The following TMEM132B variants were observed in gnomAD, a reference collection of about 807,000 sequenced individuals.
TMEM132B encodes the protein transmembrane protein 132B.
A neutral mutation model predicts 90.8 loss-of-function variants in TMEM132B; 18 were observed. The ratio of observed to expected loss-of-function variants is 0.20; its 90% confidence interval spans 0.14 to 0.29. TMEM132B has a LOEUF of 0.29. Ranked by LOEUF, TMEM132B falls within the 10% of genes least tolerant of loss-of-function variation. The probability of loss-of-function intolerance (pLI) is 1.00; values close to 1 mark genes in which losing one functional copy is unlikely to be tolerated. For missense variants in TMEM132B, 1,096 were observed against 1,326.8 expected (o/e 0.83, Z 2.70); for synonymous variants, 504 against 523.3 (o/e 0.96, Z 0.50).
intron 3 of TMEM132B, among the ~76,000 whole-genome samples, chr12:125,483,222 T>C (rs1000906003): frequency 1.3e-5 from 2 of 152,122 alleles, no homozygotes; most frequent in African/African-American, 4.8e-5. Context: ...TGTGCACATG[T>C]ACCCTAGAAC....
chr12:125,643,958 G>T, intron 5 of TMEM132B, 118 bp from the exon 6 acceptor site: 1 of 826,302 alleles, frequency 1.2e-6, no homozygotes, highest in Non-Finnish European at 2.0e-6. Flanking sequence ...TCTGTTCATT[G>T]GGTTGTTTTG....
At chr12:125,377,553 G>A (rs1878531182) in intron 2 of TMEM132B, among the ~76,000 whole-genome samples, 1 of 152,174 alleles carries the variant, frequency 6.6e-6, no homozygotes, top group African/African-American at 2.4e-5. Context: ...GTGCTGTGGT[G>A]AGGAATACAC....
chr12:125,321,283 G>C (rs754403762), intron 1 of TMEM132B, among the ~76,000 whole-genome samples: 3 of 152,092 alleles, frequency 2.0e-5, no homozygotes, highest in Non-Finnish European at 4.4e-5. Flanking sequence ...TTTGAAGACA[G>C]AAAATATCCC....
intron 3 of TMEM132B, among the ~76,000 whole-genome samples, chr12:125,443,117 G>A (rs1256201071): frequency 2.0e-5 from 3 of 152,204 alleles, no homozygotes; most frequent in East Asian, 1.9e-4. Context: ...GCAGCATTTC[G>A]GGGAGCTGTG....
At chr12:125,487,024 C>G (rs577930446) in intron 3 of TMEM132B, among the ~76,000 whole-genome samples, 9 of 152,244 alleles carry the variant, frequency 5.9e-5, no homozygotes, top group Non-Finnish European at 2.9e-5. Context: ...CTGAAATCTG[C>G]TACCTTTGAC....
At chr12:125,606,961 G>A (rs1302979252) in intron 5 of TMEM132B, among the ~76,000 whole-genome samples, 1 of 152,178 alleles carries the variant, frequency 6.6e-6, no homozygotes, top group Non-Finnish European at 1.5e-5. Flanking sequence ...GTGCTGATTG[G>A]CTTGTAAAGG....
chr12:125,260,746 A>G (rs573052992), intron 1 of TMEM132B, among the ~76,000 whole-genome samples: 10 of 152,130 alleles, frequency 6.6e-5, no homozygotes, highest in African/African-American at 1.7e-4. Context: ...ATTTCTTTCT[A>G]ACTCATATTA....
At chr12:125,323,436 A>AAAAAAC (rs146613789) in intron 1 of TMEM132B, among the ~76,000 whole-genome samples, 94,208 of 150,780 alleles carry the variant, frequency 0.62, 30,095 homozygotes, top group East Asian at 0.78. Flanking sequence ...ACTCTGCCTC[A>AAAAAAC]AAAAACAAAA....
intron 4 of TMEM132B, among the ~76,000 whole-genome samples, chr12:125,551,107 C>G (rs549186825): frequency 6.6e-6 from 1 of 152,274 alleles, no homozygotes; most frequent in African/African-American, 2.4e-5. Flanking sequence ...GCCACTGTGT[C>G]TGGCCCTGGA....
chr12:125,557,088 G>T (rs573664038), intron 4 of TMEM132B, among the ~76,000 whole-genome samples: 2 of 152,204 alleles, frequency 1.3e-5, no homozygotes, highest in South Asian at 4.2e-4. Context: ...ACAGCACTTT[G>T]TTATCATATA....
chr12:125,545,324 C>A (rs910793767), intron 4 of TMEM132B, among the ~76,000 whole-genome samples: 1 of 152,166 alleles, frequency 6.6e-6, no homozygotes, highest in Non-Finnish European at 1.5e-5. Context: ...GTATTCTGTA[C>A]AGTAGGAAGG....
At chr12:125,413,169 A>G (rs2694869) in intron 2 of TMEM132B, among the ~76,000 whole-genome samples, 48,445 of 151,698 alleles carry the variant, frequency 0.32, 7,790 homozygotes, top group East Asian at 0.4. Context: ...GCTTTCCTCC[A>G]GTTCGAGAAT....
chr12:125,461,195 G>A (rs900897131), intron 3 of TMEM132B, among the ~76,000 whole-genome samples: 18 of 152,214 alleles, frequency 1.2e-4, no homozygotes, highest in African/African-American at 4.3e-4. Flanking sequence ...TTCTTTAGGC[G>A]GGGCTATGAG....
intron 3 of TMEM132B, among the ~76,000 whole-genome samples, chr12:125,510,295 A>G (rs113947694): frequency 0.012 from 1,822 of 152,290 alleles, 13 homozygotes; most frequent in Middle Eastern, 0.034. Context: ...TTCAGCTCTG[A>G]GAAAATGTTG....
At chr12:125,518,475 G>A (rs370271238) in intron 3 of TMEM132B, among the ~76,000 whole-genome samples, 2 of 152,142 alleles carry the variant, frequency 1.3e-5, no homozygotes, top group East Asian at 1.9e-4. Flanking sequence ...GGGAGCTTGC[G>A]GATCAGCTGC....
At chr12:125,331,168 G>C (rs2136204240) in intron 1 of TMEM132B, among the ~76,000 whole-genome samples, 1 of 152,340 alleles carries the variant, frequency 6.6e-6, no homozygotes, top group East Asian at 1.9e-4. Context: ...GGACAGCGCC[G>C]GGGAGGGCCT....
At chr12:125,344,996 C>T (rs1877311142) in intron 1 of TMEM132B, among the ~76,000 whole-genome samples, 1 of 152,166 alleles carries the variant, frequency 6.6e-6, no homozygotes, top group Non-Finnish European at 1.5e-5. Context: ...CTTTTGGCTC[C>T]TGGCCTTCAC....
intron 1 of TMEM132B, among the ~76,000 whole-genome samples, chr12:125,303,158 C>G (rs1197978030): frequency 1.3e-5 from 2 of 152,070 alleles, no homozygotes; most frequent in Non-Finnish European, 2.9e-5. Context: ...TTCTCCCCTC[C>G]TGCCAGCCTC....
intron 3 of TMEM132B, among the ~76,000 whole-genome samples, chr12:125,433,159 T>C (rs1246939770): frequency 6.6e-6 from 1 of 152,230 alleles, no homozygotes; most frequent in African/African-American, 2.4e-5. Context: ...TGCGGTGTGC[T>C]TATTTTTAAA....
Sources: allele counts gnomAD v4.1 joint callset (sites outside exome capture counted in the v4.1 genomes callset), GRCh38; gene constraint gnomAD v4.1.1; transcripts MANE v1.5; gene names NCBI Gene and HGNC (gene_info 2026-07-23, HGNC 2026-07-21).